Variants in SEC14L2 observed in about 807,000 individuals in gnomAD.
SEC14L2 encodes the protein SEC14 like lipid binding 2, also known as SEC14-like protein 2.
Under a neutral mutation model 56.9 loss-of-function variants are expected in SEC14L2, and 50 were observed. The ratio of observed to expected loss-of-function variants is 0.88; its 90% CI spans 0.70 to 1.11. The LOEUF is 1.11. Ranked by LOEUF, SEC14L2 falls within the 50% of genes most tolerant of loss-of-function variation. SEC14L2 has a pLI of 0.00. For synonymous variants in SEC14L2, 179 were observed against 188.5 expected, an observed-to-expected ratio of 0.95 and a Z score of 0.41; for missense variants, 414 against 500.7, an observed-to-expected ratio of 0.83 and a Z score of 1.65.
chr22:30,397,243 C>T, intron 1 of SEC14L2, 73 bp downstream of exon 1: 1 of 1,184,696 alleles, frequency 8.4e-7, no homozygotes, highest in Non-Finnish European at 1.2e-6. Flanking sequence ...CGAGAAGGGA[C>T]GGGGCTGGGT....
intron 5 of SEC14L2, among the ~76,000 whole-genome samples, chr22:30,407,829 A>C (rs1187149118): frequency 6.6e-6 from 1 of 151,940 alleles, no homozygotes; most frequent in Non-Finnish European, 1.5e-5. Context: ...TCGGACTCCC[A>C]AAGTGCTGGG....
rs1933777546 is a variant in SEC14L2, at chr22:30,397,193, G to A, written c.54+23G>A. On this transcript the variant is annotated intron_variant, in intron 1 of 11. Coordinates refer to ENST00000615189, the MANE Select transcript of SEC14L2 (RefSeq NM_012429.5). The stretch of plus-strand genomic sequence containing the variant: ...AAGGTGAGCTGTAGCCCTGGCCCGG[G>A]CTCCCGCCTCGGGCTGTGGCCCTCG... 2.7e-6 allele frequency: 4 copies of A among 1,508,300 alleles called. 1 individual carries two copies. In the East Asian group the frequency reaches 7.9e-5, roughly 30 times the overall value. 93.4% of individuals were successfully genotyped at this position (1,508,300 alleles called of 1,614,324 possible).
intron 1 of SEC14L2, 123 bp from the exon 2 acceptor site, chr22:30,399,513 CAAAAAAA>C (rs60817387): frequency 1.8e-3 from 425 of 242,418 alleles, no homozygotes; most frequent in South Asian, 3.7e-3. Flanking sequence ...GACTCTATCT[CAAAAAAA>C]AAAAAAAAAA....
intron 5 of SEC14L2, among the ~76,000 whole-genome samples, chr22:30,408,256 G>A (rs1021723039): frequency 6.6e-6 from 1 of 152,118 alleles, no homozygotes; most frequent in Non-Finnish European, 1.5e-5. Context: ...GGGTACCACT[G>A]GTGCAAATGA....
At chr22:30,412,222 C>T (rs769064910) in intron 8 of SEC14L2, among the ~76,000 whole-genome samples, 12 of 151,968 alleles carry the variant, frequency 7.9e-5, no homozygotes, top group Non-Finnish European at 1.5e-4. Flanking sequence ...AGCAAGATTG[C>T]GAAGGCTACC....
chr22:30,408,662 C>T (rs1934164637), intron 5 of SEC14L2, among the ~76,000 whole-genome samples: 1 of 152,176 alleles, frequency 6.6e-6, no homozygotes, highest in South Asian at 2.1e-4. Flanking sequence ...TCCCTCCTGC[C>T]CTCCTCTCAG....
rs866010163 is a variant in SEC14L2, at chr22:30,397,127, G to A, written c.11G>A (p.Arg4Lys). The change falls in exon 1 of 12, where the codon AGA becomes AAA. Residue 4 changes from arginine to lysine, a missense_variant. Arg to Lys is a conservative substitution (Grantham distance 26, BLOSUM62 2). Coordinates refer to ENST00000615189, the MANE Select transcript of SEC14L2 (RefSeq NM_012429.5). Reference protein sequence around the residue: MSGRVGDLSPRQKE... With the variant: MSGKVGDLSPRQKE... ...CGCGGTTGAGCCACGATGAGCGGCA[G>A]AGTCGGCGATCTGAGCCCCAGGCAG... 1.3e-6 allele frequency: 2 copies of A among 1,548,454 alleles called. No individual in the cohort carries two copies. Among genetic ancestry groups the A allele is most frequent in the Non-Finnish European group, 8.7e-7 (1 of 1,146,112 alleles).
intron 2 of SEC14L2, among the ~76,000 whole-genome samples, chr22:30,401,579 T>A (rs1933936181): frequency 6.6e-6 from 1 of 151,726 alleles, no homozygotes; most frequent in African/African-American, 2.4e-5. Flanking sequence ...AATGGTGCGA[T>A]CTCGGCTCAC....
intron 4 of SEC14L2, 111 bp from the exon 5 acceptor site, chr22:30,407,304 C>T: frequency 2.1e-6 from 3 of 1,447,890 alleles, no homozygotes; most frequent in Non-Finnish European, 2.9e-6. Context: ...TCTGTTGGTA[C>T]CCAGGAGAGG....
intron 2 of SEC14L2, among the ~76,000 whole-genome samples, chr22:30,401,357 C>A (rs532404676): frequency 7.0e-6 from 1 of 143,640 alleles, no homozygotes; most frequent in African/African-American, 2.5e-5. Context: ...TTATAGGCTC[C>A]CACCACCACA....
chr22:30,400,673 C>T (rs980834164), intron 2 of SEC14L2, among the ~76,000 whole-genome samples: 2 of 151,864 alleles, frequency 1.3e-5, no homozygotes, highest in African/African-American at 4.8e-5. Context: ...GCGGGCAGAT[C>T]ACTTGAGGCC....
rs538874582 is a variant in SEC14L2, at chr22:30,424,177, G to A, written c.*1770G>A. The A allele has an allele frequency of 4.9e-3, 773 of 156,622 alleles. 4 individuals carry two copies. Among genetic ancestry groups the A allele is most frequent in the African/African-American group, 0.018 (733 of 41,590 alleles). The allele number at this position is 156,622 out of a possible 1,614,324, so 9.7% of individuals were successfully genotyped here. A position where few individuals can be genotyped will look rare whatever the true frequency, so the allele number is the denominator to read the frequency against. ...CCGTGCGAGCCAAGTGTGAGTCCGG[G>A]CGAGCGCCTGCGGAGCTAGCACTGG... On this transcript the variant is annotated 3_prime_UTR_variant, in exon 12 of 12. Transcript: ENST00000615189.
intron 11 of SEC14L2, among the ~76,000 whole-genome samples, chr22:30,419,615 G>C (rs1466081123): frequency 1.3e-5 from 2 of 152,156 alleles, no homozygotes; most frequent in East Asian, 3.8e-4. Context: ...CGGAGCAGTG[G>C]TTCTAAATCG....
intron 8 of SEC14L2, among the ~76,000 whole-genome samples, chr22:30,413,907 C>A (rs567475129): frequency 6.6e-6 from 1 of 152,020 alleles, no homozygotes; most frequent in African/African-American, 2.4e-5. Flanking sequence ...GGCGTGATCA[C>A]GGCTTACTGG....
At position 30,416,061 on chromosome 22, in the gene SEC14L2, G is replaced by A; in HGVS notation, c.885G>A (p.Glu295=). ...SRGSSHQVEY[E]ILFPGCVLRW... ...GCTCCTCCCACCAAGTGGAGTATGA[G>A]ATCCTCTTCCCTGGCTGTGTCCTCA... The change falls in exon 10 of 12, where the codon GAG becomes GAA. Residue 295 remains glutamate (E), a synonymous_variant. Transcript: ENST00000615189. The A allele has an allele frequency of 6.2e-7, 1 of 1,614,256 alleles. No individual in the cohort carries two copies. Among genetic ancestry groups the A allele is most frequent in the Non-Finnish European group, 8.5e-7 (1 of 1,180,052 alleles).
At chr22:30,409,032 C>T in intron 5 of SEC14L2, 155 bp from the exon 6 acceptor site, 1 of 741,802 alleles carries the variant, frequency 1.3e-6, no homozygotes, top group Non-Finnish European at 2.5e-6. Context: ...ACAATTCTGG[C>T]CTGGGGTGAT....
Position 30,407,429 on chromosome 22 carries a change from T to C in SEC14L2, c.249T>C (p.Tyr83=). The change falls in exon 5 of 12, where the codon TAT becomes TAC. Residue 83 remains tyrosine (Y), a synonymous_variant. Transcript: ENST00000615189. ...SWQPPEVIQQ[Y]LSGGMCGYDL... is the part of the protein sequence containing the mutation. ...TCTTTGCCCAGGTGATCCAACAGTATCTGTCAGGGGGTATGTGTGGCTATG... is the reference window on the plus strand; with the variant it reads ...TCTTTGCCCAGGTGATCCAACAGTACCTGTCAGGGGGTATGTGTGGCTATG... 6.2e-7 allele frequency: 1 copy of C among 1,613,660 alleles called. No homozygotes were observed. The highest frequency in any genetic ancestry group is 8.5e-7 in the Non-Finnish European group (1 of 1,179,684).
intron 1 of SEC14L2, among the ~76,000 whole-genome samples, chr22:30,399,432 G>A (rs1177289593): frequency 6.7e-6 from 1 of 149,720 alleles, no homozygotes; most frequent in Non-Finnish European, 1.5e-5. Context: ...GGAGAATGGT[G>A]TGAACCCGGG....
chr22:30,407,053 T>C (rs1187407619), intron 3 of SEC14L2, 42 bp from the exon 4 acceptor site: 2 of 1,601,986 alleles, frequency 1.2e-6, no homozygotes, highest in South Asian at 2.2e-5. Context: ...TGCCTGGCTG[T>C]CCATCCCTCC....
Sources: gnomAD v4.1 joint callset for allele counts (sites outside exome capture counted in the v4.1 genomes callset) on GRCh38, gnomAD v4.1.1 for gene constraint, MANE v1.5 for transcripts, NCBI Gene and HGNC (gene_info 2026-07-23, HGNC 2026-07-21) for gene names.